Variants in PLXNA4 observed in about 807,000 individuals in gnomAD.
PLXNA4 encodes the protein plexin-A4.
In PLXNA4, 44 loss-of-function variants were observed where a neutral mutation model predicts 191.8. The ratio of observed to expected loss-of-function variants is 0.23; its 90% CI spans 0.18 to 0.29. The LOEUF is 0.29. Ranked by LOEUF, PLXNA4 falls within the 10% of genes least tolerant of loss-of-function variation. PLXNA4 has a pLI of 1.00. For synonymous variants in PLXNA4, 1,082 were observed against 1,009.5 expected (o/e 1.07, Z -1.36); for missense variants, 1,800 against 2,488.8 (o/e 0.72, Z 5.89).
In PLXNA4 at chr7:132,373,111, G is replaced by A. The variant is rs10224362; in HGVS notation, c.1372-74889C>T. Among the ~76,000 whole-genome samples the A allele has an allele frequency of 5.7e-3, 869 of 152,104 alleles. 7 individuals are homozygous for A. The highest frequency in any genetic ancestry group is 0.019 in the African/African-American group (785 of 41,478). On this transcript the variant is annotated intron_variant, in intron 3 of 31. Transcript: ENST00000321063. ...AAATATCATTATTCCCATTTTGCAC[G>A]GGCACTAATTCCAAGCTTTGAGATG...
At chr7:132,575,921 G>A (rs1002895677) in intron 1 of PLXNA4, among the ~76,000 whole-genome samples, 2 of 152,104 alleles carry the variant, frequency 1.3e-5, no homozygotes, top group African/African-American at 2.4e-5. Context: ...CCAAATATGC[G>A]TCCGAATATC....
chr7:132,536,817 G>A (rs559459808), intron 1 of PLXNA4, among the ~76,000 whole-genome samples: 2 of 152,320 alleles, frequency 1.3e-5, no homozygotes, highest in South Asian at 2.1e-4. Context: ...TTTACAAGTC[G>A]AAGGTCCCAA....
chr7:132,413,990 T>A (rs948541103), intron 3 of PLXNA4, among the ~76,000 whole-genome samples: 1 of 152,176 alleles, frequency 6.6e-6, no homozygotes, highest in Non-Finnish European at 1.5e-5. Flanking sequence ...AGTCTCCCAA[T>A]CATGGCAGAT....
At position 132,298,006 on chromosome 7, in the gene PLXNA4, C is replaced by T. The variant is rs1160410473; in HGVS notation, c.1503+85G>A. 7.2e-6 allele frequency: 11 copies of T among 1,535,858 alleles called. No individual in the cohort carries two copies. The East Asian group carries it at 2.3e-4, about 31-fold the overall frequency. On this transcript the variant is annotated intron_variant, in intron 4 of 31. Transcript: ENST00000321063. ...CCAAATAAATCAAATCACCTCTCTG[C>T]AGCTGGCCTCCTAAGGTTTGTACTG...
At chr7:132,441,614 G>A (rs1009621986) in intron 3 of PLXNA4, among the ~76,000 whole-genome samples, 2 of 152,198 alleles carry the variant, frequency 1.3e-5, no homozygotes, top group Non-Finnish European at 2.9e-5. Context: ...GTGTTTTTAG[G>A]TAGTAATGAA....
At chr7:132,320,621 G>A (rs74688361) in intron 3 of PLXNA4, among the ~76,000 whole-genome samples, 6 of 152,146 alleles carry the variant, frequency 3.9e-5, no homozygotes, top group Non-Finnish European at 7.4e-5. Flanking sequence ...GGAGAGCAGA[G>A]TCTCCGTGCT....
chr7:132,343,064 G>C (rs541444960), intron 3 of PLXNA4, among the ~76,000 whole-genome samples: 3 of 151,798 alleles, frequency 2.0e-5, no homozygotes, highest in African/African-American at 7.2e-5. Flanking sequence ...AAAGTAAGAA[G>C]TGTCTAAAGT....
At chr7:132,570,887 C>T (rs1801948940) in intron 1 of PLXNA4, among the ~76,000 whole-genome samples, 1 of 152,170 alleles carries the variant, frequency 6.6e-6, no homozygotes, top group Admixed American at 6.5e-5. Context: ...CCTGAGATCT[C>T]TCCAACACCT....
chr7:132,631,589 A>T (rs944006518), intron 2 of PLXNA4, among the ~76,000 whole-genome samples: 1 of 152,116 alleles, frequency 6.6e-6, no homozygotes, highest in Non-Finnish European at 1.5e-5. Context: ...AGTTTTTCCA[A>T]ATGCTCTTAT....
chr7:132,187,444 G>A, intron 15 of PLXNA4, 27 bp downstream of exon 15: 1 of 1,605,220 alleles, frequency 6.2e-7, no homozygotes. Flanking sequence ...CCTCTCTGGT[G>A]CTGCAGAAAG....
intron 3 of PLXNA4, among the ~76,000 whole-genome samples, chr7:132,410,194 G>A (rs1021351834): frequency 2.3e-5 from 3 of 132,142 alleles, no homozygotes; most frequent in Admixed American, 7.9e-5. Flanking sequence ...CCACCTCCCC[G>A]TGCCCCCCTC....
chr7:132,582,224 C>T (rs2116813951), upstream of PLXNA4, among the ~76,000 whole-genome samples: 1 of 152,330 alleles, frequency 6.6e-6, no homozygotes, highest in African/African-American at 2.4e-5. Flanking sequence ...AGTCACTTGG[C>T]CCCTCTGACT....
At chr7:132,612,230 T>C (rs1371829555) in intron 2 of PLXNA4, among the ~76,000 whole-genome samples, 1 of 152,130 alleles carries the variant, frequency 6.6e-6, no homozygotes, top group Admixed American at 6.5e-5. Context: ...CACTGGGAAA[T>C]AGCACCTGTT....
At chr7:132,613,415 T>C (rs1020878829) in intron 2 of PLXNA4, among the ~76,000 whole-genome samples, 1 of 152,226 alleles carries the variant, frequency 6.6e-6, no homozygotes, top group Non-Finnish European at 1.5e-5. Context: ...TGTGAATCTA[T>C]TTACTTTTTA....
Position 132,445,157 on chromosome 7 carries a change from GAAAAAAAAAA to G in PLXNA4, c.1371+44125_1371+44134del, listed in dbSNP as rs71529762. Among the ~76,000 whole-genome samples, 15 of 53,800 alleles carry G rather than the reference GAAAAAAAAAA, an allele frequency of 2.8e-4. No individual in the cohort carries two copies. The South Asian group carries it at 3.8e-3, about 14-fold the overall frequency. The allele number at this position is 53,800 out of a possible 152,430, so 35.3% of individuals were successfully genotyped here. On this transcript the variant is annotated intron_variant, in intron 3 of 31. Coordinates refer to ENST00000321063, the MANE Select transcript of PLXNA4 (RefSeq NM_020911.2). The stretch of plus-strand genomic sequence containing the variant: ...GTGACAGAGCAAGACTCCATCTCAG[GAAAAAAAAAA>G]AAAAAAAAAAAAAAAAAATTTGTTC...
At chr7:132,319,331 T>G (rs200323585) in intron 3 of PLXNA4, among the ~76,000 whole-genome samples, 47 of 152,266 alleles carry the variant, frequency 3.1e-4, no homozygotes, top group Middle Eastern at 3.4e-3. Context: ...CTACTGGTGA[T>G]TCCCATGCAG....
chr7:132,529,496 T>C (rs999832946), intron 1 of PLXNA4, among the ~76,000 whole-genome samples: 2 of 152,160 alleles, frequency 1.3e-5, no homozygotes, highest in South Asian at 4.1e-4. Flanking sequence ...TTGGATTCAC[T>C]GGGAAAGTTT....
rs189134916 is a variant in PLXNA4 at position 132,400,062 on chromosome 7, G to A, written c.1371+89230C>T. On this transcript the variant is annotated intron_variant, in intron 3 of 31. Coordinates refer to ENST00000321063, the MANE Select transcript of PLXNA4 (RefSeq NM_020911.2). ...TAATCAACTTCCTCCCTTACCCCAC[G>A]CCAGTCCACCTCCTACCCCCGGAGA... 9.9e-5 allele frequency among the ~76,000 whole-genome samples: 15 copies of A among 152,028 alleles called. No homozygotes were observed. In the East Asian group the frequency reaches 1.6e-3, roughly 16 times the overall value.
chr7:132,289,466 C>A (rs774845732), intron 4 of PLXNA4, among the ~76,000 whole-genome samples: 29 of 152,306 alleles, frequency 1.9e-4, no homozygotes, highest in Non-Finnish European at 3.4e-4. Context: ...ATTCCCAATG[C>A]CTTGACTGGT....
Sources: allele counts gnomAD v4.1 joint callset (sites outside exome capture counted in the v4.1 genomes callset), GRCh38; gene constraint gnomAD v4.1.1; transcripts MANE v1.5; gene names NCBI Gene and HGNC (gene_info 2026-07-23, HGNC 2026-07-21).